Variants in ADAMTSL2 observed in about 807,000 individuals in gnomAD.
The protein encoded by ADAMTSL2 is ADAMTS like 2, also known as ADAMTS-like protein 2.
Under a neutral mutation model 117.0 loss-of-function variants are expected in ADAMTSL2, and 55 were observed. The observed-to-expected ratio is 0.47, with a 90% CI of 0.38 to 0.59. The LOEUF (loss-of-function observed/expected upper bound fraction) is 0.59, where lower values mean the gene tolerates loss of function less well. Ranked by LOEUF, ADAMTSL2 falls within the 20% of genes least tolerant of loss-of-function variation. ADAMTSL2 has a pLI of 0.00. For synonymous variants in ADAMTSL2, 572 were observed against 566.4 expected (o/e 1.01, Z -0.14); for missense variants, 1,182 against 1,354.5 (o/e 0.87, Z 2.00).
At chr9:133,560,124 C>G (rs7467438) in intron 11 of ADAMTSL2, among the ~76,000 whole-genome samples, 144 of 152,330 alleles carry the variant, frequency 9.5e-4, no homozygotes, top group African/African-American at 3.2e-3. Context: ...ATATAATGCT[C>G]TAAGCCTGAC....
Position 133,567,079 on chromosome 9 carries a change from GC to G in ADAMTSL2, c.1874+20del. 1 of 1,600,978 alleles carries G rather than the reference GC, an allele frequency of 6.2e-7. No individual in the cohort carries two copies. Among genetic ancestry groups the G allele is most frequent in the African/African-American group, 1.3e-5 (1 of 74,998 alleles). The stretch of plus-strand genomic sequence containing the variant: ...CCAGCCCAGGTACCTGCCACCAGGG[GC>G]CCTGGGCAGGGGGTCGGCAGGGGGC... On this transcript the variant is annotated intron_variant, in intron 13 of 18. Coordinates refer to ENST00000651351, the MANE Select transcript of ADAMTSL2 (RefSeq NM_014694.4).
intron 7 of ADAMTSL2, among the ~76,000 whole-genome samples, chr9:133,542,754 CCCAGCTGAG>C (rs1238902363): frequency 1.3e-5 from 2 of 151,440 alleles, no homozygotes; most frequent in African/African-American, 2.4e-5. Context: ...CTGTGATCCT[CCCAGCTGAG>C]CCACACTCTT....
chr9:133,570,487 T>C lies in ADAMTSL2; in HGVS notation c.2572T>C (p.Tyr858His). The C allele has an allele frequency of 6.2e-7, 1 of 1,611,822 alleles. No individual in the cohort carries two copies. The highest frequency in any genetic ancestry group is 1.1e-5 in the South Asian group (1 of 90,826). The stretch of plus-strand genomic sequence containing the variant: ...TTTCGAGAGGCCCTGCTTCAAGTGG[T>C]ACACCAGCCCCTGGTCAGAGGTGAG... ...TCFERPCFKWYTSPWSECTKT... is the reference protein window; with the variant it reads ...TCFERPCFKWHTSPWSECTKT... Residue 858 changes from tyrosine (Y) to histidine (H), a missense_variant, in exon 17 of 19, where the codon TAC becomes CAC. Tyr to His is a moderately conservative substitution (Grantham distance 83). This residue lies in a region of ADAMTSL2 where 465 missense variants were observed against 565.3 expected (regional missense o/e 0.82). Coordinates refer to ENST00000651351, the MANE Select transcript of ADAMTSL2 (RefSeq NM_014694.4).
rs768063164 is a variant in ADAMTSL2 at position 133,558,039 on chromosome 9, C to T, written c.1649+2109C>T. On this transcript the variant is annotated intron_variant, in intron 11 of 18. Transcript: ENST00000651351. The surrounding 1 kb of genome is among the most constrained non-coding windows in gnomAD (Gnocchi z 4.3). Reference sequence around the variant, plus strand: ...AGGCCAGGGTCATGGCACAAGCTTACGGATCCTCAAGCCGCTTTGTAAAGA... The same window carrying T: ...AGGCCAGGGTCATGGCACAAGCTTATGGATCCTCAAGCCGCTTTGTAAAGA... 2.0e-5 allele frequency among the ~76,000 whole-genome samples: 3 copies of T among 152,186 alleles called. No homozygotes were observed. Among genetic ancestry groups the T allele is most frequent in the Admixed American group, 6.5e-5 (1 of 15,288 alleles).
chr9:133,539,396 C>T (rs771393063), intron 4 of ADAMTSL2, among the ~76,000 whole-genome samples: 22 of 152,218 alleles, frequency 1.4e-4, no homozygotes, highest in Non-Finnish European at 2.4e-4. Flanking sequence ...GGCCCTGTCC[C>T]GTCACTGTAG....
chr9:133,575,081 G>T lies in ADAMTSL2; in HGVS notation c.*217G>T, dbSNP rs111717891. ...CACCCAGTGGCCTCCCCCAGACAGAGCCACCCCTGCCGTGGGAACCTGTCC... is the reference window on the plus strand; with the variant it reads ...CACCCAGTGGCCTCCCCCAGACAGATCCACCCCTGCCGTGGGAACCTGTCC... On this transcript the variant is annotated 3_prime_UTR_variant, in exon 19 of 19. Transcript: ENST00000651351. 0.066 allele frequency: 38,593 copies of T among 584,574 alleles called. 1,758 individuals are homozygous for T. The highest frequency in any genetic ancestry group is 0.096 in the Non-Finnish European group (31,474 of 326,210). 36.2% of individuals were successfully genotyped at this position (584,574 alleles called of 1,614,324 possible).
At chr9:133,571,213 G>T (rs768498097) in intron 17 of ADAMTSL2, among the ~76,000 whole-genome samples, 8 of 152,200 alleles carry the variant, frequency 5.3e-5, no homozygotes, top group Non-Finnish European at 1.0e-4. Flanking sequence ...ATGAGGAGAG[G>T]TTCTTTTCCC....
intron 16 of ADAMTSL2, 63 bp from the exon 17 acceptor site, chr9:133,570,268 G>C: frequency 6.6e-7 from 1 of 1,521,760 alleles, no homozygotes; most frequent in Non-Finnish European, 8.8e-7. Flanking sequence ...AGTCGCCGTG[G>C]GCCCTGTGTG....
chr9:133,574,787 G>A lies in ADAMTSL2; in HGVS notation c.2779G>A (p.Ala927Thr). 6.2e-7 allele frequency: 1 copy of A among 1,613,786 alleles called. No homozygotes were observed. The highest frequency in any genetic ancestry group is 8.5e-7 in the Non-Finnish European group (1 of 1,179,986). ...QDQPGTNCAL[A>T]IKVNLCGHWY... is the part of the protein sequence containing the mutation. ...CCAGCCAGGCACCAACTGTGCCCTGGCCATCAAAGTGAACCTCTGCGGGCA... is the reference window on the plus strand; with the variant it reads ...CCAGCCAGGCACCAACTGTGCCCTGACCATCAAAGTGAACCTCTGCGGGCA... The change falls in exon 19 of 19, where the codon GCC becomes ACC. Residue 927 changes from alanine to threonine, a missense_variant. Ala to Thr is a moderately conservative substitution (Grantham distance 58, BLOSUM62 0). Around this residue, in one of 3 missense-constraint regions of ADAMTSL2, gnomAD observed 465 missense variants for 565.3 expected, o/e 0.82. Transcript: ENST00000651351.
intron 1 of ADAMTSL2, among the ~76,000 whole-genome samples, chr9:133,536,353 T>C (rs1254589030): frequency 6.6e-6 from 1 of 152,258 alleles, no homozygotes; most frequent in African/African-American, 2.4e-5. Flanking sequence ...CAGCCGAGGC[T>C]GGCTGTCTCC....
chr9:133,555,608 G>T lies in ADAMTSL2; in HGVS notation c.1327G>T (p.Val443Phe). The T allele has an allele frequency of 1.2e-6, 2 of 1,613,358 alleles. No homozygotes were observed. Among genetic ancestry groups the T allele is most frequent in the Non-Finnish European group, 1.7e-6 (2 of 1,180,038 alleles). The change falls in exon 11 of 19, where the codon GTT (valine) becomes TTT (phenylalanine). Residue 443 changes from valine to phenylalanine, a missense_variant. Around this residue, in one of 3 missense-constraint regions of ADAMTSL2, gnomAD observed 345 missense variants for 325.8 expected, o/e 1.06. Transcript: ENST00000651351. ...PLTGDKDDEE[V>F]DTHFASQEFF... Reference sequence around the variant, plus strand: ...CACCGGGGACAAGGATGACGAAGAGGTTGACACCCACTTCGCCTCCCAGGA... The same window carrying T: ...CACCGGGGACAAGGATGACGAAGAGTTTGACACCCACTTCGCCTCCCAGGA...
intron 1 of ADAMTSL2, among the ~76,000 whole-genome samples, chr9:133,535,557 C>A (rs1454284669): frequency 6.6e-6 from 1 of 151,990 alleles, no homozygotes; most frequent in Non-Finnish European, 1.5e-5. Context: ...GGGCAGAGCC[C>A]GAGTTGGCCT....
chr9:133,570,240 C>T lies in ADAMTSL2; in HGVS notation c.2416-91C>T, dbSNP rs2131184446. On this transcript the variant is annotated intron_variant, in intron 16 of 18. Transcript: ENST00000651351. ...AGCATTCTCACCCAATTGCTATTGA[C>T]CAGCCCGTTGTCACCAGAGTCGCCG... 3 of 1,431,020 alleles carry T rather than the reference C, an allele frequency of 2.1e-6. No homozygotes were observed. In the East Asian group the frequency reaches 7.5e-5, roughly 36 times the overall value. 88.6% of individuals were successfully genotyped at this position (1,431,020 alleles called of 1,614,324 possible). A position where few individuals can be genotyped will look rare whatever the true frequency, so the allele number is the denominator to read the frequency against.
chr9:133,540,550 GCA>G (rs1564494205), intron 5 of ADAMTSL2, 46 bp from the exon 6 acceptor site: 1 of 1,606,166 alleles, frequency 6.2e-7, no homozygotes, highest in Non-Finnish European at 8.5e-7. Context: ...TCTGAATCCG[GCA>G]TTTCCTGCCC....
Position 133,534,852 on chromosome 9 carries a change from G to C in ADAMTSL2, c.-216G>C. ...CGCCCCCGCACGCACAGCGCACCTG[G>C]CGCCGTCTGCCCTCCGCAGCGCTCG... On this transcript the variant is annotated 5_prime_UTR_variant, in exon 1 of 19. Transcript: ENST00000651351. 6.7e-7 allele frequency: 1 copy of C among 1,496,920 alleles called. No individual in the cohort carries two copies. Among genetic ancestry groups the C allele is most frequent in the Non-Finnish European group, 8.9e-7 (1 of 1,118,740 alleles). The allele number at this position is 1,496,920 out of a possible 1,614,324, so 92.7% of individuals were successfully genotyped here.
intron 4 of ADAMTSL2, 121 bp from the exon 5 acceptor site, chr9:133,539,650 C>A: frequency 1.3e-4 from 10 of 77,358 alleles, no homozygotes; most frequent in Non-Finnish European, 1.5e-4. Flanking sequence ...CCGTGGCCCC[C>A]GCACGGCTGT....
At chr9:133,535,051 G>A in intron 1 of ADAMTSL2, 134 bp downstream of exon 1, 1 of 1,284,596 alleles carries the variant, frequency 7.8e-7, no homozygotes, top group Non-Finnish European at 9.8e-7. Flanking sequence ...CTTGTGGGGA[G>A]GGGTCGGGCC....
Position 133,574,635 on chromosome 9 carries a change from C to T in ADAMTSL2, c.2738-111C>T, listed in dbSNP as rs1045938862. ...GAGAGCTAGAGATGGAGACCCACCA[C>T]GGGGTGGGAGGCCCACTGCCCCTGG... On this transcript the variant is annotated intron_variant, in intron 18 of 18. Transcript: ENST00000651351. The T allele has an allele frequency of 7.7e-5, 67 of 868,442 alleles. No homozygotes were observed. In the East Asian group the frequency reaches 8.2e-4, roughly 11 times the overall value. 53.8% of individuals were successfully genotyped at this position (868,442 alleles called of 1,614,324 possible).
chr9:133,563,843 GGGAGA>G (rs1830815654), intron 12 of ADAMTSL2, among the ~76,000 whole-genome samples: 8 of 36,878 alleles, frequency 2.2e-4, no homozygotes, highest in Non-Finnish European at 3.2e-4. Context: ...GAGAGAGAGA[GGGAGA>G]GAGAGAGAGA....
Sources: allele counts gnomAD v4.1 joint callset (sites outside exome capture counted in the v4.1 genomes callset), GRCh38; gene constraint gnomAD v4.1.1; regional missense constraint gnomAD v4.1.1; non-coding constraint Gnocchi (gnomAD v3.1); transcripts MANE v1.5; gene names NCBI Gene and HGNC (gene_info 2026-07-23, HGNC 2026-07-21).